Variants in NTAN1 observed in about 807,000 individuals in gnomAD.
The protein encoded by NTAN1 is protein N-terminal asparagine amidohydrolase.
NTAN1 carries 32 observed loss-of-function variants against 41.9 expected under a neutral mutation model. The observed-to-expected ratio is 0.76, with a 90% confidence interval of 0.58 to 1.03. NTAN1 has a LOEUF of 1.03. Ranked by LOEUF, NTAN1 falls within the 50% of genes least tolerant of loss-of-function variation. The probability of loss-of-function intolerance (pLI) is 0.00; values close to 1 mark genes in which losing one functional copy is unlikely to be tolerated. For missense variants in NTAN1, 377 were observed against 377.5 expected (o/e 1.00, Z 0.01); for synonymous variants, 140 against 139.5 (o/e 1.00, Z -0.03).
chr16:15,052,655 G>A (rs2044343254), intron 1 of NTAN1, among the ~76,000 whole-genome samples: 1 of 152,126 alleles, frequency 6.6e-6, no homozygotes, highest in Non-Finnish European at 1.5e-5. Flanking sequence ...CCAACATGTT[G>A]AAGCCCCATC....
Position 15,051,276 on chromosome 16 carries a change from G to T in NTAN1, c.82-3177C>A, listed in dbSNP as rs575278242. 8.6e-4 allele frequency among the ~76,000 whole-genome samples: 131 copies of T among 152,326 alleles called. 1 individual carries two copies. The highest frequency in any genetic ancestry group is 1.5e-3 in the Non-Finnish European group (104 of 68,026). On this transcript the variant is annotated intron_variant, in intron 1 of 9. Transcript: ENST00000287706. Reference sequence around the variant, plus strand: ...TGTCTCTCTTCAACACAGCTCCTACGATTTCCCAAAGAAATAAAAGCAAAA... The same window carrying T: ...TGTCTCTCTTCAACACAGCTCCTACTATTTCCCAAAGAAATAAAAGCAAAA...
intron 1 of NTAN1, among the ~76,000 whole-genome samples, chr16:15,051,028 C>T (rs182163726): frequency 3.3e-5 from 5 of 152,338 alleles, no homozygotes; most frequent in Admixed American, 3.3e-4. Flanking sequence ...TTTTCTCATT[C>T]CACTTCTTGC....
chr16:15,045,558 G>A (rs2044024619), intron 4 of NTAN1: 1 of 152,132 alleles, frequency 6.6e-6, no homozygotes, highest in Non-Finnish European at 1.5e-5. Flanking sequence ...GAATGCTTCA[G>A]CCCAGAAGTT....
Position 15,047,933 on chromosome 16 carries a change from GAAAT to G in NTAN1, c.185-17_185-14del. The G allele has an allele frequency of 6.2e-7, 1 of 1,611,834 alleles. No individual in the cohort carries two copies. Among genetic ancestry groups the G allele is most frequent in the Non-Finnish European group, 8.5e-7 (1 of 1,177,982 alleles). On this transcript the variant is annotated splice_polypyrimidine_tract_variant and intron_variant, in intron 2 of 9. Coordinates refer to ENST00000287706, the MANE Select transcript of NTAN1 (RefSeq NM_173474.4). ...ATGGAGATGGAGCCTGTTTAAAAAA[GAAAT>G]AAAATAAAATATCCAATAGCCTTTT...
intron 5 of NTAN1, 33 bp from the exon 6 acceptor site, chr16:15,041,709 A>ACT: frequency 1.3e-6 from 2 of 1,530,176 alleles, no homozygotes; most frequent in Non-Finnish European, 1.8e-6. Context: ...AGAAGTCAGA[A>ACT]AAGTTCCTCT....
intron 2 of NTAN1, 34 bp from the exon 3 acceptor site, chr16:15,047,954 T>C (rs1260236061): frequency 6.2e-7 from 1 of 1,602,294 alleles, no homozygotes; most frequent in East Asian, 2.2e-5. Flanking sequence ...AAATATCCAA[T>C]AGCCTTTTGG....
At position 15,041,598 on chromosome 16, in the gene NTAN1, C is replaced by T. The variant is rs561411971; in HGVS notation, c.487+25G>A. Reference sequence around the variant, plus strand: ...AACGGTCCTGAGACCCACATCTTTGCTTTGGGGCAAATGGCAGGACTTACC... The same window carrying T: ...AACGGTCCTGAGACCCACATCTTTGTTTTGGGGCAAATGGCAGGACTTACC... On this transcript the variant is annotated intron_variant, in intron 6 of 9. Coordinates refer to ENST00000287706, the MANE Select transcript of NTAN1 (RefSeq NM_173474.4). 3.8e-6 allele frequency: 6 copies of T among 1,580,138 alleles called. No individual in the cohort carries two copies. The South Asian group carries it at 5.5e-5, about 15-fold the overall frequency.
chr16:15,044,321 A>C lies in NTAN1; in HGVS notation c.433+13T>G. 3 of 1,593,964 alleles carry C rather than the reference A, an allele frequency of 1.9e-6. No individual in the cohort carries two copies. Among genetic ancestry groups the C allele is most frequent in the East Asian group, 4.5e-5 (2 of 44,806 alleles). ...TGTCCAATTTGGGGGAAAGAAAAAA[A>C]AAATGAACTTACTAAGAAGTTGATG... On this transcript the variant is annotated intron_variant, in intron 5 of 9. Coordinates refer to ENST00000287706, the MANE Select transcript of NTAN1 (RefSeq NM_173474.4).
chr16:15,046,604 T>C (rs558620149), intron 4 of NTAN1, among the ~76,000 whole-genome samples: 2 of 147,932 alleles, frequency 1.4e-5, no homozygotes, highest in Admixed American at 1.4e-4. Context: ...ACCAATCTGC[T>C]GGAATTTAAA....
chr16:15,052,621 G>A (rs1169766080), intron 1 of NTAN1, among the ~76,000 whole-genome samples: 2 of 152,190 alleles, frequency 1.3e-5, no homozygotes, highest in Non-Finnish European at 2.9e-5. Flanking sequence ...ATCGCTTGAG[G>A]TCAGGAGTTT....
intron 5 of NTAN1, 75 bp from the exon 6 acceptor site, chr16:15,041,751 C>T (rs2043824807): frequency 6.5e-6 from 7 of 1,079,006 alleles, no homozygotes; most frequent in Admixed American, 1.7e-5. Flanking sequence ...AGCAAGCCAA[C>T]GACAGGGAGG....
chr16:15,054,336 G>A (rs1441505105), intron 1 of NTAN1, among the ~76,000 whole-genome samples: 1 of 152,196 alleles, frequency 6.6e-6, no homozygotes, highest in Non-Finnish European at 1.5e-5. Context: ...CTTCCTTCGA[G>A]AGAAGCAGCC....
At chr16:15,054,143 C>T (rs375940500) in intron 1 of NTAN1, among the ~76,000 whole-genome samples, 55 of 152,328 alleles carry the variant, frequency 3.6e-4, no homozygotes, top group African/African-American at 1.2e-3. Flanking sequence ...GCGCCCCAGG[C>T]GGCTTGCCCA....
chr16:15,053,736 A>G (rs2044386473), intron 1 of NTAN1, among the ~76,000 whole-genome samples: 1 of 151,856 alleles, frequency 6.6e-6, no homozygotes, highest in South Asian at 2.1e-4. Flanking sequence ...CATGGTGAAA[A>G]CCCGTCTCTA....
chr16:15,049,273 C>G (rs1290964561), intron 1 of NTAN1, among the ~76,000 whole-genome samples: 3 of 152,202 alleles, frequency 2.0e-5, no homozygotes, highest in African/African-American at 4.8e-5. Context: ...AAGTGATCCA[C>G]CCACCTTGGC....
In NTAN1 at chr16:15,055,871, C is replaced by T; in HGVS notation, c.81+20G>A. ...TTCCCCTCGGGCCCGCCCCGAAGCC[C>T]CGCGCCGCGCCCCACTCACCTCCAA... On this transcript the variant is annotated intron_variant, in intron 1 of 9. Coordinates refer to ENST00000287706, the MANE Select transcript of NTAN1 (RefSeq NM_173474.4). 1.7e-6 allele frequency: 2 copies of T among 1,209,766 alleles called. No individual in the cohort carries two copies. Among genetic ancestry groups the T allele is most frequent in the Middle Eastern group, 2.8e-4 (1 of 3,580 alleles). The allele number at this position is 1,209,766 out of a possible 1,614,324, so 74.9% of individuals were successfully genotyped here. A position where few individuals can be genotyped will look rare whatever the true frequency, so the allele number is the denominator to read the frequency against.
chr16:15,038,023 C>T lies in NTAN1; in HGVS notation c.*8G>A. 6.2e-7 allele frequency: 1 copy of T among 1,606,898 alleles called. No homozygotes were observed. Among genetic ancestry groups the T allele is most frequent in the Non-Finnish European group, 8.5e-7 (1 of 1,176,418 alleles). On this transcript the variant is annotated 3_prime_UTR_variant, in exon 10 of 10. Coordinates refer to ENST00000287706, the MANE Select transcript of NTAN1 (RefSeq NM_173474.4). ...CAAGAAGGTGCTTTCTTTGGTAATT[C>T]ATGTTTTTTAACTTCCTGGAGAAGA...
At chr16:15,055,546 G>A (rs986784552) in intron 1 of NTAN1, among the ~76,000 whole-genome samples, 1 of 152,220 alleles carries the variant, frequency 6.6e-6, no homozygotes, top group African/African-American at 2.4e-5. Context: ...GGCCGGATTT[G>A]CCTAAACGGA....
At chr16:15,045,418 G>C (rs1234003443) in intron 4 of NTAN1, 1 of 151,192 alleles carries the variant, frequency 6.6e-6, no homozygotes, top group Non-Finnish European at 1.5e-5. Context: ...AGTGAGCCAA[G>C]ATTGCATCAC....
Sources: gnomAD v4.1 joint callset for allele counts (sites outside exome capture counted in the v4.1 genomes callset) on GRCh38, gnomAD v4.1.1 for gene constraint, MANE v1.5 for transcripts, NCBI Gene and HGNC (gene_info 2026-07-23, HGNC 2026-07-21) for gene names.